TPRG1: variants seen among roughly 807,000 people sequenced by gnomAD.
TPRG1 encodes tumor protein p63-regulated gene 1 protein.
In TPRG1, 29 loss-of-function variants were observed where a neutral mutation model predicts 29.3. The ratio of observed to expected loss-of-function variants is 0.99; its 90% CI spans 0.74 to 1.35. TPRG1 has a LOEUF of 1.35. TPRG1 is among the 40% of genes most tolerant of loss of function. The pLI is 0.00. For missense variants in TPRG1, 327 were observed against 335.0 expected (o/e 0.98, Z 0.19); for synonymous variants, 130 against 116.8 (o/e 1.11, Z -0.73).
chr3:189,174,857 G>A (rs1229864416), intron 1 of TPRG1, among the ~76,000 whole-genome samples: 3 of 152,228 alleles, frequency 2.0e-5, no homozygotes, highest in Admixed American at 6.5e-5. Flanking sequence ...TTACTCAATC[G>A]ATCAATGGCA....
At chr3:189,205,449 A>G (rs1314841351) in intron 1 of TPRG1, among the ~76,000 whole-genome samples, 1 of 152,226 alleles carries the variant, frequency 6.6e-6, no homozygotes, top group African/African-American at 2.4e-5. Context: ...ATGCCAAAAT[A>G]TCCCAAAATT....
At chr3:189,175,688 G>T (rs1031668601) in intron 1 of TPRG1, among the ~76,000 whole-genome samples, 1 of 152,224 alleles carries the variant, frequency 6.6e-6, no homozygotes, top group Non-Finnish European at 1.5e-5. Context: ...ACAGTATCAT[G>T]TGAAGTGAGT....
At chr3:189,175,833 T>C (rs1292265130) in intron 1 of TPRG1, among the ~76,000 whole-genome samples, 1 of 152,156 alleles carries the variant, frequency 6.6e-6, no homozygotes, top group Non-Finnish European at 1.5e-5. Flanking sequence ...TTCCTCTGGG[T>C]TATCTGAATG....
At chr3:189,195,187 G>A (rs1294173743) in intron 1 of TPRG1, among the ~76,000 whole-genome samples, 1 of 152,076 alleles carries the variant, frequency 6.6e-6, no homozygotes, top group African/African-American at 2.4e-5. Context: ...GATGCAGGTT[G>A]CTGCTTCAGC....
At chr3:189,222,297 T>C (rs1236673951) in intron 3 of TPRG1, among the ~76,000 whole-genome samples, 1 of 152,108 alleles carries the variant, frequency 6.6e-6, no homozygotes, top group African/African-American at 2.4e-5. Flanking sequence ...AAACTAATCA[T>C]ATAATAAAAA....
intron 1 of TPRG1, among the ~76,000 whole-genome samples, chr3:189,181,708 A>C (rs1730246203): frequency 6.6e-6 from 1 of 152,122 alleles, no homozygotes; most frequent in African/African-American, 2.4e-5. Flanking sequence ...TCTTCTTTCG[A>C]GCCCTCTAAA....
intron 4 of TPRG1, among the ~76,000 whole-genome samples, chr3:189,024,219 G>A (rs1471943370): frequency 6.6e-6 from 1 of 152,184 alleles, no homozygotes; most frequent in Admixed American, 6.5e-5. Context: ...CTGGCTGGGA[G>A]AACCTTCCCC....
intron 4 of TPRG1, among the ~76,000 whole-genome samples, chr3:189,250,299 A>C (rs1049590040): frequency 5.9e-5 from 9 of 152,140 alleles, no homozygotes; most frequent in Non-Finnish European, 1.0e-4. Context: ...TTTTTAGCAA[A>C]CATCCATATT....
chr3:189,216,002 A>G (rs1265413154), intron 3 of TPRG1, among the ~76,000 whole-genome samples: 1 of 152,158 alleles, frequency 6.6e-6, no homozygotes, highest in Non-Finnish European at 1.5e-5. Flanking sequence ...AAAGATGGTT[A>G]CCTTTCTAGC....
At chr3:189,317,712 A>G (rs1723763909) in intron 5 of TPRG1, among the ~76,000 whole-genome samples, 1 of 152,182 alleles carries the variant, frequency 6.6e-6, no homozygotes, top group Non-Finnish European at 1.5e-5. Context: ...TGGGGGACAT[A>G]TGACAATGTC....
rs572775073 is a variant in TPRG1, at chr3:189,198,450, C to T, written c.-9-8926C>T. 7.9e-5 allele frequency among the ~76,000 whole-genome samples: 12 copies of T among 152,292 alleles called. No individual in the cohort carries two copies. The East Asian group carries it at 2.1e-3, about 27-fold the overall frequency. ...AGATTAAAGACTGTGGTATGAGTTC[C>T]TATGTGTGTCTGTGAGAGAAGATGC... is the stretch of plus-strand genomic sequence containing the variant. On this transcript the variant is annotated intron_variant, in intron 1 of 5. Coordinates refer to ENST00000345063, the MANE Select transcript of TPRG1 (RefSeq NM_198485.4).
intron 4 of TPRG1, among the ~76,000 whole-genome samples, chr3:189,044,980 C>A (rs1714881567): frequency 6.6e-6 from 1 of 152,176 alleles, no homozygotes; most frequent in African/African-American, 2.4e-5. Flanking sequence ...AAAATGAACT[C>A]TTTCAGCCAT....
chr3:189,038,087 A>C (rs778002050), intron 4 of TPRG1, among the ~76,000 whole-genome samples: 3 of 151,934 alleles, frequency 2.0e-5, no homozygotes, highest in Non-Finnish European at 4.4e-5. Context: ...AAAGTCCATA[A>C]GTAAATGATA....
intron 1 of TPRG1, among the ~76,000 whole-genome samples, chr3:189,176,975 T>G (rs1172954961): frequency 6.6e-6 from 1 of 152,236 alleles, no homozygotes; most frequent in Non-Finnish European, 1.5e-5. Flanking sequence ...GTTTGAAAGG[T>G]ATCCTTCTGT....
chr3:189,016,701 A>T (rs1712953163), intron 3 of TPRG1, among the ~76,000 whole-genome samples: 1 of 152,062 alleles, frequency 6.6e-6, no homozygotes, highest in African/African-American at 2.4e-5. Flanking sequence ...GTGAGTTCTC[A>T]TGAGATCTGG....
chr3:189,026,806 A>C (rs546065010), intron 4 of TPRG1, among the ~76,000 whole-genome samples: 1 of 152,320 alleles, frequency 6.6e-6, no homozygotes, highest in African/African-American at 2.4e-5. Context: ...AGACAGTCAC[A>C]TTGGCGAAGG....
intron 4 of TPRG1, among the ~76,000 whole-genome samples, chr3:189,094,878 T>C (rs763174345): frequency 1.3e-5 from 2 of 152,170 alleles, no homozygotes; most frequent in Non-Finnish European, 2.9e-5. Flanking sequence ...TCCTCCTTGC[T>C]CTGGTCGAGG....
intron 1 of TPRG1, among the ~76,000 whole-genome samples, chr3:189,117,150 T>A (rs995358368): frequency 6.6e-6 from 1 of 152,100 alleles, no homozygotes; most frequent in Non-Finnish European, 1.5e-5. Flanking sequence ...TTGGGACTTA[T>A]AATCTCAGGG....
intron 4 of TPRG1, among the ~76,000 whole-genome samples, chr3:189,246,531 A>C (rs542610725): frequency 1.3e-5 from 2 of 152,298 alleles, no homozygotes; most frequent in East Asian, 3.9e-4. Context: ...TATTTCAAAG[A>C]AATTTAGATA....
Sources: gnomAD v4.1 joint callset for allele counts (sites outside exome capture counted in the v4.1 genomes callset) on GRCh38, gnomAD v4.1.1 for gene constraint, MANE v1.5 for transcripts, NCBI Gene and HGNC (gene_info 2026-07-23, HGNC 2026-07-21) for gene names.